The following CLVS1 variants were observed in gnomAD, a reference collection of about 807,000 sequenced individuals.
CLVS1 encodes clavesin-1.
Under a neutral mutation model 33.1 loss-of-function variants are expected in CLVS1, and 10 were observed. The observed-to-expected ratio is 0.30, with a 90% CI of 0.19 to 0.51. The LOEUF (loss-of-function observed/expected upper bound fraction) is 0.51, where lower values mean the gene tolerates loss of function less well. Among genes scored for constraint, CLVS1 ranks in the 20% least tolerant of loss-of-function variants. The pLI is 0.97. For synonymous variants in CLVS1, 163 were observed against 166.1 expected, an observed-to-expected ratio of 0.98 and a Z score of 0.14; for missense variants, 343 against 433.4, an observed-to-expected ratio of 0.79 and a Z score of 1.85.
chr8:61,117,686 G>A (rs1354524189), intron 1 of CLVS1, among the ~76,000 whole-genome samples: 20 of 152,128 alleles, frequency 1.3e-4, no homozygotes, highest in African/African-American at 3.9e-4. Flanking sequence ...ATTGATTTGC[G>A]TATATTGAAC....
At chr8:61,134,282 C>A (rs1270926306) in intron 2 of CLVS1, among the ~76,000 whole-genome samples, 1 of 152,198 alleles carries the variant, frequency 6.6e-6, no homozygotes, top group Admixed American at 6.5e-5. Flanking sequence ...CTCAGTGGGG[C>A]CCAATTGCCA....
the CLVS1 span, among the ~76,000 whole-genome samples, chr8:60,969,068 A>G: frequency 6.6e-6 from 1 of 152,202 alleles, no homozygotes; most frequent in East Asian, 1.9e-4. Context: ...TATCACAATC[A>G]AGCTCTATAC....
At chr8:61,107,755 A>G (rs1001566403) in intron 1 of CLVS1, among the ~76,000 whole-genome samples, 21 of 152,322 alleles carry the variant, frequency 1.4e-4, no homozygotes, top group Admixed American at 1.3e-3. Context: ...GCTGAATTGA[A>G]CTAAAATGTC....
chr8:61,143,058 CT>C (rs1806339039), intron 2 of CLVS1, among the ~76,000 whole-genome samples: 2 of 152,166 alleles, frequency 1.3e-5, no homozygotes. Context: ...CTCAACTTTG[CT>C]TTGTATGTGA....
intron 5 of CLVS1, among the ~76,000 whole-genome samples, chr8:61,470,740 T>C (rs1346154501): frequency 6.6e-6 from 1 of 152,242 alleles, no homozygotes; most frequent in East Asian, 1.9e-4. Flanking sequence ...CAATATTTTC[T>C]TAAAAACACT....
chr8:61,435,364 A>G (rs1816290328), intron 3 of CLVS1, among the ~76,000 whole-genome samples: 1 of 152,164 alleles, frequency 6.6e-6, no homozygotes, highest in Admixed American at 6.5e-5. Context: ...GCATTCTTAA[A>G]AGATTTTAGC....
chr8:61,239,169 TTTTG>T (rs2129313818), intron 2 of CLVS1, among the ~76,000 whole-genome samples: 1 of 152,352 alleles, frequency 6.6e-6, no homozygotes. Flanking sequence ...TGTTTAATTT[TTTTG>T]TTTAATTTGT....
chr8:61,359,769 G>A (rs1812895405), intron 2 of CLVS1, among the ~76,000 whole-genome samples: 1 of 152,234 alleles, frequency 6.6e-6, no homozygotes, highest in African/African-American at 2.4e-5. Flanking sequence ...TTGTTTAAGT[G>A]TATATAGTTA....
At chr8:61,192,905 C>G (rs1032285847) in intron 2 of CLVS1, among the ~76,000 whole-genome samples, 2 of 152,178 alleles carry the variant, frequency 1.3e-5, no homozygotes, top group African/African-American at 4.8e-5. Context: ...AATAGGAACA[C>G]TTTTACACTG....
the CLVS1 span, among the ~76,000 whole-genome samples, chr8:61,044,602 T>G: frequency 6.6e-6 from 1 of 152,122 alleles, no homozygotes; most frequent in Non-Finnish European, 1.5e-5. Flanking sequence ...TGAGACCAGT[T>G]GAAGGAGGAG....
chr8:61,009,961 G>A, the CLVS1 span, among the ~76,000 whole-genome samples: 1 of 152,324 alleles, frequency 6.6e-6, no homozygotes, highest in East Asian at 1.9e-4. Flanking sequence ...AGGTGCATTT[G>A]CTTGATATTA....
intron 2 of CLVS1, among the ~76,000 whole-genome samples, chr8:61,188,436 A>G (rs147015510): frequency 1.3e-5 from 2 of 152,096 alleles, no homozygotes; most frequent in African/African-American, 2.4e-5. Context: ...CAACCTAATA[A>G]CAGACAACAG....
intron 2 of CLVS1, among the ~76,000 whole-genome samples, chr8:61,158,569 A>C (rs535412618): frequency 8.5e-5 from 13 of 152,274 alleles, no homozygotes; most frequent in African/African-American, 3.1e-4. Context: ...AGAGCAGTGC[A>C]TAATGAGGGG....
At chr8:61,362,867 C>T (rs1277816580) in intron 2 of CLVS1, among the ~76,000 whole-genome samples, 2 of 152,266 alleles carry the variant, frequency 1.3e-5, no homozygotes, top group East Asian at 3.9e-4. Context: ...TATGTTGCCT[C>T]AGGGTTCAAA....
At chr8:61,339,218 A>G (rs1037959459) in intron 2 of CLVS1, among the ~76,000 whole-genome samples, 4 of 152,144 alleles carry the variant, frequency 2.6e-5, no homozygotes, top group African/African-American at 4.8e-5. Flanking sequence ...CAGGAGAAGC[A>G]TGGTGGTCGA....
At chr8:60,988,636 A>G in the CLVS1 span, among the ~76,000 whole-genome samples, 1 of 152,352 alleles carries the variant, frequency 6.6e-6, no homozygotes, top group Non-Finnish European at 1.5e-5. Context: ...TACAGTATCC[A>G]TAGCAGTAAA....
chr8:61,382,760 A>T (rs528880409), intron 3 of CLVS1, among the ~76,000 whole-genome samples: 1 of 152,196 alleles, frequency 6.6e-6, no homozygotes, highest in East Asian at 1.9e-4. Flanking sequence ...CTTCCAGGAG[A>T]TGCTGCTGCT....
At chr8:61,192,072 A>G (rs1174619230) in intron 2 of CLVS1, among the ~76,000 whole-genome samples, 3 of 152,226 alleles carry the variant, frequency 2.0e-5, no homozygotes. Flanking sequence ...TTGCCAAGAC[A>G]ATCCTAAGCC....
At chr8:61,473,901 T>C (rs1223919557) in intron 5 of CLVS1, among the ~76,000 whole-genome samples, 1 of 152,162 alleles carries the variant, frequency 6.6e-6, no homozygotes, top group African/African-American at 2.4e-5. Context: ...ACATGATTAA[T>C]GAGAGGGCTT....
Sources: allele counts gnomAD v4.1 joint callset (sites outside exome capture counted in the v4.1 genomes callset), GRCh38; gene constraint gnomAD v4.1.1; transcripts MANE v1.5; gene names NCBI Gene and HGNC (gene_info 2026-07-23, HGNC 2026-07-21).